WDPCP: variants seen among roughly 807,000 people sequenced by gnomAD.
WDPCP encodes the protein WD repeat-containing and planar cell polarity effector protein fritz homolog.
In WDPCP, 71 loss-of-function variants were observed where a neutral mutation model predicts 93.1. The observed-to-expected ratio is 0.76, with a 90% confidence interval of 0.63 to 0.93. WDPCP has a LOEUF of 0.93. Ranked by LOEUF, WDPCP falls within the 40% of genes least tolerant of loss-of-function variation. WDPCP has a pLI of 0.00. For synonymous variants in WDPCP, 315 were observed against 315.0 expected (o/e 1.00, Z 0.00); for missense variants, 844 against 887.4 (o/e 0.95, Z 0.62).
chr2:63,683,334 C>T (rs1446381268), intron 2 of WDPCP, among the ~76,000 whole-genome samples: 1 of 152,082 alleles, frequency 6.6e-6, no homozygotes, highest in East Asian at 1.9e-4. Flanking sequence ...ACCCACTAAT[C>T]TATTACCTAC....
At chr2:63,461,282 C>T (rs1025682808) in intron 6 of WDPCP, among the ~76,000 whole-genome samples, 1 of 152,136 alleles carries the variant, frequency 6.6e-6, no homozygotes, top group South Asian at 2.1e-4. Flanking sequence ...GAGGCAGATT[C>T]CTCATGGTTT....
At chr2:63,287,830 TA>T (rs1371309550) in intron 13 of WDPCP, among the ~76,000 whole-genome samples, 1 of 152,212 alleles carries the variant, frequency 6.6e-6, no homozygotes, top group Non-Finnish European at 1.5e-5. Context: ...TGGGAGAATT[TA>T]AACTTGAAAG....
chr2:63,594,165 T>C, intron 3 of WDPCP: 1 of 485,664 alleles, frequency 2.1e-6, no homozygotes, highest in South Asian at 1.6e-5. Flanking sequence ...TGTGTGGCTC[T>C]AGTGGCTGCC....
At chr2:63,362,227 C>T (rs559835410) in intron 12 of WDPCP, among the ~76,000 whole-genome samples, 34 of 135,302 alleles carry the variant, frequency 2.5e-4, no homozygotes, top group African/African-American at 9.2e-4. Flanking sequence ...GGTATTGTTA[C>T]ATGCATATCC....
At chr2:63,488,445 A>C (rs1700695474) in intron 2 of WDPCP, among the ~76,000 whole-genome samples, 1 of 152,220 alleles carries the variant, frequency 6.6e-6, no homozygotes, top group South Asian at 2.1e-4. Context: ...GCTCTATTTT[A>C]TTCATCATGC....
At chr2:63,219,863 G>A (rs1043156864) in intron 14 of WDPCP, among the ~76,000 whole-genome samples, 25 of 151,914 alleles carry the variant, frequency 1.6e-4, no homozygotes, top group African/African-American at 5.8e-4. Context: ...ATTAGCCGGG[G>A]GTGGTGGCAG....
intron 14 of WDPCP, among the ~76,000 whole-genome samples, chr2:63,206,720 CTCT>C (rs1296016102): frequency 3.3e-5 from 5 of 152,022 alleles, no homozygotes; most frequent in Non-Finnish European, 5.9e-5. Context: ...TTTTATTCTA[CTCT>C]TCTTATTCTC....
At chr2:63,269,833 A>C (rs1682476781) in intron 13 of WDPCP, among the ~76,000 whole-genome samples, 1 of 152,192 alleles carries the variant, frequency 6.6e-6, no homozygotes, top group Non-Finnish European at 1.5e-5. Flanking sequence ...ACAGCTTTAC[A>C]GGTTTAAACC....
At chr2:63,218,364 C>G (rs1302768157) in intron 14 of WDPCP, among the ~76,000 whole-genome samples, 4 of 152,026 alleles carry the variant, frequency 2.6e-5, no homozygotes, top group Admixed American at 2.6e-4. Context: ...AAAAGTCAAA[C>G]TAATATTTGT....
intron 2 of WDPCP, among the ~76,000 whole-genome samples, chr2:63,788,089 C>T (rs1477078975): frequency 6.6e-6 from 1 of 151,918 alleles, no homozygotes; most frequent in African/African-American, 2.4e-5. Flanking sequence ...GAGTCCAATA[C>T]CATATTATCT....
intron 6 of WDPCP, among the ~76,000 whole-genome samples, chr2:63,456,234 C>T (rs145211763): frequency 4.6e-5 from 7 of 151,872 alleles, no homozygotes; most frequent in Non-Finnish European, 7.4e-5. Context: ...CTGACCAACA[C>T]GGTGAAACCC....
intron 1 of WDPCP, chr2:63,517,906 G>C (rs1702655288): frequency 6.6e-6 from 1 of 152,072 alleles, no homozygotes; most frequent in African/African-American, 2.4e-5. Flanking sequence ...GTTTGTTTTT[G>C]AGATGAGTCT....
chr2:63,397,527 A>G (rs1270859121), intron 10 of WDPCP, among the ~76,000 whole-genome samples: 1 of 152,104 alleles, frequency 6.6e-6, no homozygotes, highest in African/African-American at 2.4e-5. Context: ...ACCTGCACAA[A>G]GTGAGGGCTA....
chr2:63,763,632 A>G (rs2103922410), intron 2 of WDPCP, among the ~76,000 whole-genome samples: 1 of 152,314 alleles, frequency 6.6e-6, no homozygotes, highest in South Asian at 2.1e-4. Flanking sequence ...ATGAAACCAA[A>G]ATTCCTCTCA....
chr2:63,249,733 G>A (rs929432739), intron 14 of WDPCP, among the ~76,000 whole-genome samples: 2 of 152,142 alleles, frequency 1.3e-5, no homozygotes, highest in African/African-American at 4.8e-5. Flanking sequence ...GAATTTTCCA[G>A]GTATGGTAGT....
At chr2:63,488,607 G>A (rs1331827345) in intron 2 of WDPCP, among the ~76,000 whole-genome samples, 1 of 151,804 alleles carries the variant, frequency 6.6e-6, no homozygotes, top group Non-Finnish European at 1.5e-5. Flanking sequence ...TTTTATGGGT[G>A]TTTTCATATT....
chr2:63,313,752 G>A (rs985239194), intron 12 of WDPCP, among the ~76,000 whole-genome samples: 32 of 151,340 alleles, frequency 2.1e-4, no homozygotes, highest in Non-Finnish European at 4.4e-5. Context: ...TAAGGAAGAG[G>A]TCAGAGGATT....
chr2:63,384,818 C>T (rs555268418), intron 10 of WDPCP, among the ~76,000 whole-genome samples: 2 of 151,626 alleles, frequency 1.3e-5, no homozygotes, highest in South Asian at 2.1e-4. Flanking sequence ...TACTTCCCAA[C>T]TCATTTCATG....
intron 2 of WDPCP, among the ~76,000 whole-genome samples, chr2:63,657,941 C>A (rs1184076185): frequency 6.6e-6 from 1 of 152,140 alleles, no homozygotes; most frequent in African/African-American, 2.4e-5. Context: ...TGCTTTATAT[C>A]TGCTTAATTT....
Sources: gnomAD v4.1 joint callset for allele counts (sites outside exome capture counted in the v4.1 genomes callset) on GRCh38, gnomAD v4.1.1 for gene constraint, MANE v1.5 for transcripts, NCBI Gene and HGNC (gene_info 2026-07-23, HGNC 2026-07-21) for gene names.